The following SAMD9L variants were observed in gnomAD, a reference collection of about 807,000 sequenced individuals.
The protein encoded by SAMD9L is sterile alpha motif domain-containing protein 9-like.
Under a neutral mutation model 90.7 loss-of-function variants are expected in SAMD9L, and 68 were observed. The observed-to-expected ratio is 0.75, with a 90% CI of 0.62 to 0.92. The LOEUF (loss-of-function observed/expected upper bound fraction) is 0.92, where lower values mean the gene tolerates loss of function less well. SAMD9L is among the 40% of genes least tolerant of loss of function. The probability of loss-of-function intolerance (pLI) is 0.00; values close to 1 mark genes in which losing one functional copy is unlikely to be tolerated. For missense variants in SAMD9L, 1,604 were observed against 1,824.3 expected, an observed-to-expected ratio of 0.88 and a Z score of 2.20; for synonymous variants, 640 against 630.1, an observed-to-expected ratio of 1.02 and a Z score of -0.23.
Position 93,132,951 on chromosome 7 carries a change from A to G in SAMD9L, c.3021T>C (p.Asp1007=). 3 of 1,613,478 alleles carry G rather than the reference A, an allele frequency of 1.9e-6. No individual in the cohort carries two copies. Among genetic ancestry groups the G allele is most frequent in the Non-Finnish European group, 2.5e-6 (3 of 1,179,706 alleles). ...ATATATTCAATGCAATTTGACATTT[A>G]TCCAAGTGATAGCTTCTTTCCAGTT... ...LKELERSYHL[D]KCQIALNILE... Residue 1007 remains aspartate (D), a synonymous_variant, in exon 5 of 5, where the codon GAT becomes GAC. Transcript: ENST00000318238.
Position 93,133,168 on chromosome 7 carries a change from G to C in SAMD9L, c.2804C>G (p.Ser935Cys), listed in dbSNP as rs1446309679. 4 of 1,613,366 alleles carry C rather than the reference G, an allele frequency of 2.5e-6. No homozygotes were observed. Among genetic ancestry groups the C allele is most frequent in the Non-Finnish European group, 3.4e-6 (4 of 1,179,728 alleles). ...TTCACACTGTGAAACTGAAATTGTA[G>C]AGTCAGTAACATAAGAGCTGAGTAA... ...LALLSSYVTD[S>C]TISVSQCEIF... Residue 935 changes from serine (S) to cysteine (C), a missense_variant, in exon 5 of 5, where the codon TCT becomes TGT. This residue lies in a region of SAMD9L where 606 missense variants were observed against 717.6 expected (regional missense o/e 0.84). Coordinates refer to ENST00000318238, the MANE Select transcript of SAMD9L (RefSeq NM_152703.5).
At position 93,132,391 on chromosome 7, in the gene SAMD9L, G is replaced by A. The variant is rs758056645; in HGVS notation, c.3581C>T (p.Thr1194Ile). 1.2e-6 allele frequency: 2 copies of A among 1,613,898 alleles called. No homozygotes were observed. Among genetic ancestry groups the A allele is most frequent in the Non-Finnish European group, 8.5e-7 (1 of 1,179,834 alleles). Reference sequence around the variant, plus strand: ...TTCTATTTCACCCAAGAAACAAGCTGTGTTATACATGTCATATCGTCTCTG... The same window carrying A: ...TTCTATTTCACCCAAGAAACAAGCTATGTTATACATGTCATATCGTCTCTG... ...KSQRRYDMYN[T>I]ACFLGEIEVG... is the part of the protein sequence containing the mutation. Residue 1194 changes from threonine (T) to isoleucine (I), a missense_variant, in exon 5 of 5, where the codon ACA becomes ATA. Physicochemically the swap from Thr to Ile is moderately conservative, Grantham distance 89. This residue lies in a region of SAMD9L where 302 missense variants were observed against 314.7 expected (regional missense o/e 0.96). Transcript: ENST00000318238.
intron 4 of SAMD9L, among the ~76,000 whole-genome samples, chr7:93,139,426 A>T (rs945469060): frequency 6.6e-6 from 1 of 152,296 alleles, no homozygotes; most frequent in East Asian, 1.9e-4. Context: ...AGTGGACCCT[A>T]ATCCAATATG....
intron 4 of SAMD9L, among the ~76,000 whole-genome samples, chr7:93,136,258 C>T (rs1792448588): frequency 1.3e-5 from 2 of 152,126 alleles, no homozygotes; most frequent in Admixed American, 1.3e-4. Flanking sequence ...TAATAATTCT[C>T]CCTTTTAGCT....
Position 93,135,757 on chromosome 7 carries a change from T to C in SAMD9L, c.215A>G (p.Tyr72Cys), listed in dbSNP as rs2116507648. 2 of 1,614,060 alleles carry C rather than the reference T, an allele frequency of 1.2e-6. No homozygotes were observed. The highest frequency in any genetic ancestry group is 1.7e-6 in the Non-Finnish European group (2 of 1,179,988). Reference protein sequence around the residue: ...WGPALLIKRSYNKLNSKSPES... With the variant: ...WGPALLIKRSCNKLNSKSPES... ...AGGGGACTTACTATTCAATTTGTTG[T>C]ATGAACGTTTTATCAAAAGTGCTGG... The change falls in exon 5 of 5, where the codon TAC (tyrosine) becomes TGC (cysteine). Residue 72 changes from tyrosine to cysteine, a missense_variant. By Grantham distance (194) the Tyr-to-Cys change is radical (BLOSUM62 -2). Coordinates refer to ENST00000318238, the MANE Select transcript of SAMD9L (RefSeq NM_152703.5).
intron 4 of SAMD9L, among the ~76,000 whole-genome samples, chr7:93,142,899 A>G (rs1301064220): frequency 6.6e-6 from 1 of 152,224 alleles, no homozygotes; most frequent in Non-Finnish European, 1.5e-5. Context: ...CCCAAATACT[A>G]TAAGGAAGAA....
intron 1 of SAMD9L, among the ~76,000 whole-genome samples, chr7:93,147,693 T>C (rs1463382849): frequency 6.6e-6 from 1 of 152,242 alleles, no homozygotes; most frequent in Non-Finnish European, 1.5e-5. Context: ...GCATTTTTTT[T>C]CTTAGTTTTC....
At chr7:93,139,429 C>G (rs1479236848) in intron 4 of SAMD9L, among the ~76,000 whole-genome samples, 2 of 152,110 alleles carry the variant, frequency 1.3e-5, no homozygotes, top group Non-Finnish European at 2.9e-5. Context: ...GGACCCTAAT[C>G]CAATATGACT....
intron 4 of SAMD9L, among the ~76,000 whole-genome samples, chr7:93,137,270 T>G (rs1278339020): frequency 6.6e-6 from 1 of 152,188 alleles, no homozygotes; most frequent in African/African-American, 2.4e-5. Context: ...AAGCTTCATC[T>G]GTATTTACAG....
At chr7:93,147,663 G>A (rs1438801446) in intron 1 of SAMD9L, among the ~76,000 whole-genome samples, 2 of 152,310 alleles carry the variant, frequency 1.3e-5, no homozygotes, top group East Asian at 1.9e-4. Flanking sequence ...AGTTAGTTTC[G>A]TTTTCCTGAA....
At chr7:93,140,033 ACCACTCAGTCC>A (rs140096543) in intron 4 of SAMD9L, among the ~76,000 whole-genome samples, 7,228 of 152,042 alleles carry the variant, frequency 0.048, 277 homozygotes, top group African/African-American at 0.1. Context: ...AGTTACATCC[ACCACTCAGTCC>A]CCACTCAGTC....
Position 93,135,465 on chromosome 7 carries a change from A to T in SAMD9L, c.507T>A (p.Asp169Glu). The change falls in exon 5 of 5, where the codon GAT (aspartate) becomes GAA (glutamate). Residue 169 changes from aspartate (D) to glutamate (E), a missense_variant. This residue lies in a region of SAMD9L where 374 missense variants were observed against 363.6 expected (regional missense o/e 1.03). Transcript: ENST00000318238. ...EQLTCMPYPF[D>E]QFHDSHRYIE... The stretch of plus-strand genomic sequence containing the variant: ...TGTAGCGATGGCTGTCATGGAACTG[A>T]TCAAAAGGATATGGCATACAAGTCA... The T allele has an allele frequency of 6.2e-7, 1 of 1,614,176 alleles. No homozygotes were observed. Among genetic ancestry groups the T allele is most frequent in the Non-Finnish European group, 8.5e-7 (1 of 1,179,998 alleles).
In SAMD9L at chr7:93,133,412, T is replaced by A; in HGVS notation, c.2560A>T (p.Ser854Cys). The change falls in exon 5 of 5, where the codon AGT (serine) becomes TGT (cysteine). Residue 854 changes from serine (S) to cysteine (C), a missense_variant. Transcript: ENST00000318238. Reference sequence around the variant, plus strand: ...GAAAGTTGGTAATTTAGTGCAATACTGTCTGCCAATTTTGCACTTTCATCT... The same window carrying A: ...GAAAGTTGGTAATTTAGTGCAATACAGTCTGCCAATTTTGCACTTTCATCT... Reference protein sequence around the residue: ...NPDESAKLADSIALNYQLSSK... With the variant: ...NPDESAKLADCIALNYQLSSK... 6.2e-7 allele frequency: 1 copy of A among 1,613,588 alleles called. No homozygotes were observed. The highest frequency in any genetic ancestry group is 2.2e-5 in the East Asian group (1 of 44,864).
chr7:93,138,302 A>G (rs1030379756), intron 4 of SAMD9L, among the ~76,000 whole-genome samples: 2 of 152,278 alleles, frequency 1.3e-5, no homozygotes, highest in African/African-American at 2.4e-5. Flanking sequence ...CATTCATTCT[A>G]CACATATTTA....
Position 93,135,594 on chromosome 7 carries a change from G to C in SAMD9L, c.378C>G (p.Ile126Met), listed in dbSNP as rs2116505937. The stretch of plus-strand genomic sequence containing the variant: ...TTGATTCTTCTTGTTTGATATCTCT[G>C]ATCTCTCTGGGATCATAATCAATAT... Reference protein sequence around the residue: ...SSNIDYDPREIRDIKQEESIL... With the variant: ...SSNIDYDPREMRDIKQEESIL... The change falls in exon 5 of 5, where the codon ATC (isoleucine) becomes ATG (methionine). Residue 126 changes from isoleucine (I) to methionine (M), a missense_variant. Around this residue, in one of 7 missense-constraint regions of SAMD9L, gnomAD observed 374 missense variants for 363.6 expected, o/e 1.03. Transcript: ENST00000318238. 1 of 1,613,800 alleles carries C rather than the reference G, an allele frequency of 6.2e-7. No homozygotes were observed. The highest frequency in any genetic ancestry group is 1.7e-4 in the Middle Eastern group (1 of 6,056).
At position 93,134,853 on chromosome 7, in the gene SAMD9L, C is replaced by T. The variant is rs1464529034; in HGVS notation, c.1119G>A (p.Leu373=). ...CTTCAGCCTCTTTTCTAGATGCTAC[C>T]AGTGACTTTAAATTTTGTAAAAATG... ...FKAFLQNLKS[L]VASRKEAEEE... is the part of the protein sequence containing the mutation. Residue 373 remains leucine (L), a synonymous_variant, in exon 5 of 5, where the codon CTG becomes CTA. Transcript: ENST00000318238. The T allele has an allele frequency of 2.5e-6, 4 of 1,613,896 alleles. No homozygotes were observed. In the South Asian group the frequency reaches 4.4e-5, roughly 18 times the overall value.
Position 93,131,230 on chromosome 7 carries a change from A to G in SAMD9L, c.4742T>C (p.Ile1581Thr). Residue 1581 changes from isoleucine (I) to threonine (T), a missense_variant, in exon 5 of 5, where the codon ATA becomes ACA. Physicochemically the swap from Ile to Thr is moderately conservative, Grantham distance 89. This residue lies in a region of SAMD9L where 282 missense variants were observed against 329.6 expected (regional missense o/e 0.86). Coordinates refer to ENST00000318238, the MANE Select transcript of SAMD9L (RefSeq NM_152703.5). ...FSIEGPLAYD[I>T]EVI is the part of the protein sequence containing the mutation. ...TGATGTATTGTCTTAAATTACTTCT[A>G]TATCATATGCCAGAGGGCCTTCAAT... The G allele has an allele frequency of 1.9e-6, 3 of 1,541,906 alleles. No individual in the cohort carries two copies. The highest frequency in any genetic ancestry group is 2.6e-6 in the Non-Finnish European group (3 of 1,146,068).
In SAMD9L at chr7:93,133,780, G is replaced by A. The variant is rs761436777; in HGVS notation, c.2192C>T (p.Pro731Leu). 3.1e-6 allele frequency: 5 copies of A among 1,613,788 alleles called. No homozygotes were observed. The East Asian group carries it at 1.1e-4, about 36-fold the overall frequency. ...LIHCWAESPK[P>L]IFAKIINLYH... ...AAGATTGATGATTTTTGCAAATATT[G>A]GTTTAGGAGACTCTGCCCAGCAGTG... The change falls in exon 5 of 5, where the codon CCA (proline) becomes CTA (leucine). Residue 731 changes from proline (P) to leucine (L), a missense_variant. By Grantham distance (98) the Pro-to-Leu change is moderately conservative. Transcript: ENST00000318238.
At chr7:93,143,031 C>A (rs75098637) in intron 4 of SAMD9L, among the ~76,000 whole-genome samples, 10 of 152,236 alleles carry the variant, frequency 6.6e-5, no homozygotes, top group South Asian at 2.1e-4. Flanking sequence ...CTGTGTTTGC[C>A]GGGTGGTTGC....
Sources: allele counts gnomAD v4.1 joint callset (sites outside exome capture counted in the v4.1 genomes callset), GRCh38; gene constraint gnomAD v4.1.1; regional missense constraint gnomAD v4.1.1; transcripts MANE v1.5; gene names NCBI Gene and HGNC (gene_info 2026-07-23, HGNC 2026-07-21).